The following MAP7D1 variants were observed in gnomAD, a reference collection of about 807,000 sequenced individuals.
MAP7D1 encodes MAP7 domain containing 1.
In MAP7D1, 30 loss-of-function variants were observed where a neutral mutation model predicts 97.5. The observed-to-expected ratio is 0.31, with a 90% CI of 0.23 to 0.42. The LOEUF (loss-of-function observed/expected upper bound fraction) is 0.42, where lower values mean the gene tolerates loss of function less well. Among genes scored for constraint, MAP7D1 ranks in the 10% least tolerant of loss-of-function variants. MAP7D1 has a pLI of 1.00. For missense variants in MAP7D1, 1,184 were observed against 1,179.5 expected (o/e 1.00, Z -0.06); for synonymous variants, 536 against 477.1 (o/e 1.12, Z -1.61).
chr1:36,170,072 A>G (rs1359650044), intron 1 of MAP7D1, among the ~76,000 whole-genome samples: 3 of 152,176 alleles, frequency 2.0e-5, no homozygotes, highest in Non-Finnish European at 4.4e-5. Context: ...CAAAACAAAA[A>G]AACCTGAGGC....
At position 36,178,571 on chromosome 1, in the gene MAP7D1, C is replaced by T. The variant is rs1644665190; in HGVS notation, c.1861C>T (p.Arg621Trp). 3 of 1,588,460 alleles carry T rather than the reference C, an allele frequency of 1.9e-6. No homozygotes were observed. The highest frequency in any genetic ancestry group is 2.3e-5 in the South Asian group (2 of 88,508). The change falls in exon 10 of 17, where the codon CGG becomes TGG. Residue 621 changes from arginine to tryptophan, a missense_variant. Transcript: ENST00000474796. ...REQREREEQE[R>W]RLQAERDKRM... ...GCAGCGGGAGCGCGAGGAGCAGGAG[C>T]GGAGGCTGCAGGCAGAAAGGGACAA...
chr1:36,166,555 A>G (rs1263768119), intron 1 of MAP7D1, among the ~76,000 whole-genome samples: 1 of 151,892 alleles, frequency 6.6e-6, no homozygotes, highest in African/African-American at 2.4e-5. Flanking sequence ...ATGCCTGGCT[A>G]ATTTTTTGTG....
rs374815047 is a variant in MAP7D1, at chr1:36,178,989, C to G, written c.2094C>G (p.Phe698Leu). The G allele has an allele frequency of 6.4e-7, 1 of 1,558,362 alleles. No individual in the cohort carries two copies. Among genetic ancestry groups the G allele is most frequent in the Non-Finnish European group, 8.7e-7 (1 of 1,151,432 alleles). ...ERQRLEREKH[F>L]QQQEQERQER... ...AGCGTCTGGAGCGGGAAAAGCACTT[C>G]CAGCAGCAGGAGCAAGAGCGGCAAG... Residue 698 changes from phenylalanine (F) to leucine (L), a missense_variant, in exon 12 of 17, where the codon TTC (phenylalanine) becomes TTG (leucine). Physicochemically the swap from Phe to Leu is conservative, Grantham distance 22 (BLOSUM62 0). Transcript: ENST00000474796.
intron 5 of MAP7D1, among the ~76,000 whole-genome samples, chr1:36,174,539 C>T (rs986211009): frequency 1.3e-5 from 2 of 152,162 alleles, no homozygotes; most frequent in South Asian, 2.1e-4. Context: ...TGTATCCAAA[C>T]GTCTTGGCTG....
intron 6 of MAP7D1, among the ~76,000 whole-genome samples, chr1:36,175,825 G>T (rs1205367874): frequency 6.6e-6 from 1 of 152,202 alleles, no homozygotes; most frequent in African/African-American, 2.4e-5. Context: ...GCCTCGGCTG[G>T]GTCAGCCCTC....
Position 36,179,892 on chromosome 1 carries a change from G to T in MAP7D1, c.2337G>T (p.Leu779Phe). The T allele has an allele frequency of 6.2e-7, 1 of 1,613,406 alleles. No homozygotes were observed. ...TCCACAGTCTCCCAAGCAAGGAGTT[G>T]CCAGCGTCCCTGGTGAATGGCCTGC... ...EPQWSLPSKE[L>F]PASLVNGLQP... The change falls in exon 16 of 17, where the codon TTG becomes TTT. Residue 779 changes from leucine to phenylalanine, a missense_variant. Leu to Phe is a conservative substitution (Grantham distance 22). Coordinates refer to ENST00000474796, the MANE Select transcript of MAP7D1 (RefSeq NM_001388490.1).
At chr1:36,168,424 C>T (rs1255125623) in intron 1 of MAP7D1, among the ~76,000 whole-genome samples, 1 of 152,082 alleles carries the variant, frequency 6.6e-6, no homozygotes, top group African/African-American at 2.4e-5. Context: ...CTCAGAATTG[C>T]GAGGACACAG....
At position 36,176,453 on chromosome 1, in the gene MAP7D1, C is replaced by T; in HGVS notation, c.1105C>T (p.Pro369Ser). ...PVCPRSASAS[P>S]LTPCSVTRSV... is the part of the protein sequence containing the mutation. The stretch of plus-strand genomic sequence containing the variant: ...GTGCCCGCGCTCGGCCTCCGCCAGC[C>T]CCCTGACGCCGTGCAGCGTCACCCG... The change falls in exon 7 of 17, where the codon CCC (proline) becomes TCC (serine). Residue 369 changes from proline to serine, a missense_variant. Transcript: ENST00000474796. The surrounding 1 kb of genome is among the most constrained non-coding windows in gnomAD (Gnocchi z 6.1). 1 of 1,508,186 alleles carries T rather than the reference C, an allele frequency of 6.6e-7. No individual in the cohort carries two copies. The highest frequency in any genetic ancestry group is 8.8e-7 in the Non-Finnish European group (1 of 1,136,136). 93.4% of individuals were successfully genotyped at this position (1,508,186 alleles called of 1,614,324 possible). A position where few individuals can be genotyped will look rare whatever the true frequency, so the allele number is the denominator to read the frequency against.
Position 36,171,658 on chromosome 1 carries a change from C to T in MAP7D1, c.460+77C>T, listed in dbSNP as rs1002277560. On this transcript the variant is annotated intron_variant, in intron 3 of 16. Transcript: ENST00000474796. Reference sequence around the variant, plus strand: ...TATTAATAACACCAACAGGCTGGGGCGCAGTGGCTCACGCCTGTAATCCCA... The same window carrying T: ...TATTAATAACACCAACAGGCTGGGGTGCAGTGGCTCACGCCTGTAATCCCA... The T allele has an allele frequency of 6.0e-6, 9 of 1,501,250 alleles. No individual in the cohort carries two copies. The African/African-American group carries it at 9.6e-5, about 16-fold the overall frequency. 93.0% of individuals were successfully genotyped at this position (1,501,250 alleles called of 1,614,324 possible).
chr1:36,156,555 C>T lies in MAP7D1; in HGVS notation c.46+92C>T, dbSNP rs1046118861. 14 of 1,089,462 alleles carry T rather than the reference C, an allele frequency of 1.3e-5. No homozygotes were observed. The African/African-American group carries it at 2.3e-4, about 18-fold the overall frequency. The allele number at this position is 1,089,462 out of a possible 1,614,324, so 67.5% of individuals were successfully genotyped here. On this transcript the variant is annotated intron_variant, in intron 1 of 16. Transcript: ENST00000474796. Reference sequence around the variant, plus strand: ...AGGCCGGCCGGCTGGGCGGGGACCCCTCCGCTGCCGCGCCCTCTGACCACT... The same window carrying T: ...AGGCCGGCCGGCTGGGCGGGGACCCTTCCGCTGCCGCGCCCTCTGACCACT...
chr1:36,174,849 C>G lies in MAP7D1; in HGVS notation c.740-49C>G, dbSNP rs527806806. 101 of 1,184,742 alleles carry G rather than the reference C, an allele frequency of 8.5e-5. 4 individuals are homozygous for G. The South Asian group carries it at 1.2e-3, about 14-fold the overall frequency. The allele number at this position is 1,184,742 out of a possible 1,614,324, so 73.4% of individuals were successfully genotyped here. On this transcript the variant is annotated intron_variant, in intron 5 of 16. Transcript: ENST00000474796. ...GCATGGAAGGCCTCGGTGCCCCCCA[C>G]TGGCTCCTGCCGGGCCCGGCCCTAA...
intron 3 of MAP7D1, chr1:36,171,867 G>A (rs1196119729): frequency 4.6e-6 from 1 of 217,678 alleles, no homozygotes; most frequent in Admixed American, 5.2e-5. Flanking sequence ...CTGGGAGGCG[G>A]AGGTTGTGGT....
chr1:36,160,681 A>C (rs541075766), intron 1 of MAP7D1, among the ~76,000 whole-genome samples: 2 of 152,330 alleles, frequency 1.3e-5, no homozygotes, highest in South Asian at 4.1e-4. Context: ...CTAAACCTCT[A>C]AGCTGAATTA....
chr1:36,174,867 G>A (rs768886137), intron 5 of MAP7D1, 31 bp from the exon 6 acceptor site: 27 of 1,425,200 alleles, frequency 1.9e-5, no homozygotes, highest in East Asian at 4.6e-5. Flanking sequence ...TGCCGGGCCC[G>A]GCCCTAATGC....
intron 8 of MAP7D1, among the ~76,000 whole-genome samples, chr1:36,177,067 C>T (rs1375402743): frequency 6.6e-6 from 1 of 152,118 alleles, no homozygotes; most frequent in Non-Finnish European, 1.5e-5. Context: ...CCTCCCACCT[C>T]AGCCTTCCAA....
rs186291184 is a variant in MAP7D1 at position 36,159,975 on chromosome 1, G to A, written c.46+3512G>A. Among the ~76,000 whole-genome samples, 53 of 152,200 alleles carry A rather than the reference G, an allele frequency of 3.5e-4. No individual in the cohort carries two copies. The highest frequency in any genetic ancestry group is 7.3e-4 in the Non-Finnish European group (50 of 68,034). ...CACGCATATGCAAATGAGGTGGAAGGGATACTAGGCCAGCTCAGGTCCCCT... is the reference window on the plus strand; with the variant it reads ...CACGCATATGCAAATGAGGTGGAAGAGATACTAGGCCAGCTCAGGTCCCCT... On this transcript the variant is annotated intron_variant, in intron 1 of 16. Coordinates refer to ENST00000474796, the MANE Select transcript of MAP7D1 (RefSeq NM_001388490.1). The surrounding 1 kb of genome is among the most constrained non-coding windows in gnomAD (Gnocchi z 5.4).
chr1:36,171,644 C>A, intron 3 of MAP7D1, 63 bp downstream of exon 3: 1 of 1,574,222 alleles, frequency 6.4e-7, no homozygotes, highest in Non-Finnish European at 8.7e-7. Context: ...ATTAATAACA[C>A]CAACAGGCTG....
intron 6 of MAP7D1, 74 bp downstream of exon 6, chr1:36,175,082 A>G: frequency 1.0e-6 from 1 of 968,590 alleles, no homozygotes. Context: ...GAGCTCAGCA[A>G]GAACACCAGG....
intron 11 of MAP7D1, 35 bp downstream of exon 11, chr1:36,178,858 G>A (rs1398468571): frequency 1.3e-6 from 2 of 1,545,774 alleles, no homozygotes; most frequent in African/African-American, 2.8e-5. Context: ...CTGGGCGCGG[G>A]CGCCGCGGGC....
Sources: allele counts gnomAD v4.1 joint callset (sites outside exome capture counted in the v4.1 genomes callset), GRCh38; gene constraint gnomAD v4.1.1; non-coding constraint Gnocchi (gnomAD v3.1); transcripts MANE v1.5; gene names NCBI Gene and HGNC (gene_info 2026-07-23, HGNC 2026-07-21).